Variants in ERC1 observed in about 807,000 individuals in gnomAD.
The protein encoded by ERC1 is RAB6 interacting protein 2.
Under a neutral mutation model 132.0 loss-of-function variants are expected in ERC1, and 56 were observed. That is an observed-to-expected ratio of 0.42 (90% CI 0.34 to 0.53). The LOEUF (loss-of-function observed/expected upper bound fraction) is 0.53. ERC1 is among the 20% of genes least tolerant of loss of function. The pLI is 0.03. For synonymous variants in ERC1, 478 were observed against 476.1 expected (o/e 1.00, Z -0.05); for missense variants, 1,202 against 1,349.9 (o/e 0.89, Z 1.72).
intron 17 of ERC1, chr12:1,443,692 C>T (rs1176823154): frequency 6.6e-6 from 1 of 152,332 alleles, no homozygotes; most frequent in East Asian, 1.9e-4. Flanking sequence ...GCACTCCAGG[C>T]TTTGACCAGC....
chr12:1,001,924 A>G (rs1468279305), intron 1 of ERC1, among the ~76,000 whole-genome samples: 1 of 139,960 alleles, frequency 7.1e-6, no homozygotes, highest in Non-Finnish European at 1.5e-5. Flanking sequence ...GCAGTGGCGC[A>G]ATCTCTGCTT....
intron 18 of ERC1, among the ~76,000 whole-genome samples, chr12:1,469,620 C>A (rs1051345699): frequency 6.6e-6 from 1 of 152,220 alleles, no homozygotes; most frequent in African/African-American, 2.4e-5. Context: ...GAACTGCACT[C>A]ACAAGTATGG....
chr12:1,381,384 C>A (rs1300144737), intron 16 of ERC1, among the ~76,000 whole-genome samples: 1 of 152,136 alleles, frequency 6.6e-6, no homozygotes, highest in East Asian at 1.9e-4. Flanking sequence ...CAGAGACTCA[C>A]TCTGGTGCCC....
intron 12 of ERC1, among the ~76,000 whole-genome samples, chr12:1,216,610 A>C (rs1412420379): frequency 1.6e-4 from 1 of 6,266 alleles, no homozygotes. Flanking sequence ...GTCGGGGAGG[A>C]GGGATGGGGG....
chr12:1,076,939 G>A (rs1291218083), intron 2 of ERC1, among the ~76,000 whole-genome samples: 1 of 152,168 alleles, frequency 6.6e-6, no homozygotes, highest in African/African-American at 2.4e-5. Flanking sequence ...CTGTGGATAA[G>A]CATACAGCCC....
Position 1,113,176 on chromosome 12 carries a change from A to G in ERC1, c.1401+878A>G, listed in dbSNP as rs566583211. ...TGCAAATTCTACATCATTTTATATC[A>G]GGGACTTCAGCCTTCATTAATTTTG... is the stretch of plus-strand genomic sequence containing the variant. On this transcript the variant is annotated intron_variant, in intron 6 of 18. Transcript: ENST00000360905. Among the ~76,000 whole-genome samples the G allele has an allele frequency of 7.9e-5, 12 of 152,316 alleles. No homozygotes were observed. The South Asian group carries it at 2.5e-3, about 32-fold the overall frequency.
chr12:1,199,463 T>G (rs1358309448), intron 12 of ERC1, among the ~76,000 whole-genome samples: 5 of 150,202 alleles, frequency 3.3e-5, no homozygotes, highest in African/African-American at 1.0e-4. Context: ...TATAAACAAC[T>G]GACTTTGTTA....
chr12:1,359,382 T>A (rs957306282), intron 15 of ERC1, among the ~76,000 whole-genome samples: 1 of 152,178 alleles, frequency 6.6e-6, no homozygotes, highest in African/African-American at 2.4e-5. Context: ...TTCATTTTAT[T>A]GCTGTAATAA....
At chr12:1,145,768 TC>T (rs1361991705) in intron 8 of ERC1, among the ~76,000 whole-genome samples, 2 of 152,170 alleles carry the variant, frequency 1.3e-5, no homozygotes, top group Non-Finnish European at 2.9e-5. Flanking sequence ...GAGATGAAGA[TC>T]CGGTTTCATT....
chr12:1,323,353 A>T (rs879467777), intron 15 of ERC1, among the ~76,000 whole-genome samples: 1 of 152,348 alleles, frequency 6.6e-6, no homozygotes, highest in Middle Eastern at 3.4e-3. Context: ...CTGACAGCCA[A>T]TGTAAGATAT....
At chr12:1,100,780 AG>A (rs1348175569) in intron 3 of ERC1, among the ~76,000 whole-genome samples, 1 of 152,210 alleles carries the variant, frequency 6.6e-6, no homozygotes. Context: ...AGGAAAGTAA[AG>A]GTACATACGA....
intron 12 of ERC1, among the ~76,000 whole-genome samples, chr12:1,229,573 A>G (rs144789916): frequency 2.0e-5 from 3 of 152,202 alleles, no homozygotes; most frequent in African/African-American, 7.2e-5. Context: ...CTAGAAATTT[A>G]TTCATTTCTT....
At chr12:1,111,342 T>G (rs939734694) in intron 5 of ERC1, among the ~76,000 whole-genome samples, 1 of 152,234 alleles carries the variant, frequency 6.6e-6, no homozygotes, top group Non-Finnish European at 1.5e-5. Context: ...ATGATTGTAA[T>G]TATAAAGTTT....
chr12:1,040,498 G>A (rs1398477317), intron 2 of ERC1, among the ~76,000 whole-genome samples: 1 of 151,618 alleles, frequency 6.6e-6, no homozygotes, highest in African/African-American at 2.4e-5. Context: ...AGTGGAGACG[G>A]GATTTCACCG....
At chr12:1,057,753 G>C (rs966046197) in intron 2 of ERC1, among the ~76,000 whole-genome samples, 1 of 151,650 alleles carries the variant, frequency 6.6e-6, no homozygotes, top group Non-Finnish European at 1.5e-5. Flanking sequence ...TTGCCACCAC[G>C]CCCAGCTAAT....
In ERC1 at chr12:1,490,135, C is replaced by G; in HGVS notation, c.3256C>G (p.Leu1086Val). 6.2e-7 allele frequency: 1 copy of G among 1,614,212 alleles called. No individual in the cohort carries two copies. The highest frequency in any genetic ancestry group is 8.5e-7 in the Non-Finnish European group (1 of 1,180,026). The change falls in exon 19 of 19, where the codon CTG becomes GTG. Residue 1086 changes from leucine (L) to valine (V), a missense_variant. Leu to Val is a conservative substitution (Grantham distance 32). Coordinates refer to ENST00000360905, the MANE Select transcript of ERC1 (RefSeq NM_178040.4). ...GAAAGGTGAACGGGACAATGCAGAA[C>G]TGCAGGAGTTTGCCAACGCCATTCT... ...LEKGERDNAE[L>V]QEFANAILQQ...
intron 12 of ERC1, among the ~76,000 whole-genome samples, chr12:1,205,808 C>A (rs926311258): frequency 6.6e-6 from 1 of 152,030 alleles, no homozygotes; most frequent in Non-Finnish European, 1.5e-5. Context: ...AGAGAACTTT[C>A]ATCTCTAACT....
chr12:1,221,074 TCTGA>T (rs1248760097), intron 12 of ERC1, among the ~76,000 whole-genome samples: 1 of 152,216 alleles, frequency 6.6e-6, no homozygotes, highest in Non-Finnish European at 1.5e-5. Context: ...CTTATCACTG[TCTGA>T]CATACCATGT....
intron 17 of ERC1, among the ~76,000 whole-genome samples, chr12:1,420,606 C>T (rs2092385797): frequency 6.6e-6 from 1 of 152,140 alleles, no homozygotes; most frequent in Non-Finnish European, 1.5e-5. Flanking sequence ...CAGGCACCTG[C>T]CACCACGCCT....
Sources: gnomAD v4.1 joint callset for allele counts (sites outside exome capture counted in the v4.1 genomes callset) on GRCh38, gnomAD v4.1.1 for gene constraint, MANE v1.5 for transcripts, NCBI Gene and HGNC (gene_info 2026-07-23, HGNC 2026-07-21) for gene names.